MAPK4: variants seen among roughly 807,000 people sequenced by gnomAD.
MAPK4 encodes mitogen-activated protein kinase 4.
In MAPK4, 22 loss-of-function variants were observed where a neutral mutation model predicts 47.7. The ratio of observed to expected loss-of-function variants is 0.46; its 90% CI spans 0.33 to 0.66. The LOEUF is 0.66. Ranked by LOEUF, MAPK4 falls within the 30% of genes least tolerant of loss-of-function variation. MAPK4 has a pLI of 0.02. For synonymous variants in MAPK4, 390 were observed against 365.7 expected (o/e 1.07, Z -0.76); for missense variants, 736 against 831.7 (o/e 0.88, Z 1.42).
intron 2 of MAPK4, among the ~76,000 whole-genome samples, chr18:50,700,776 C>G (rs768565625): frequency 7.9e-5 from 12 of 152,156 alleles, no homozygotes; most frequent in Non-Finnish European, 1.2e-4. Flanking sequence ...TGCAGATTCT[C>G]TAGGCGGGAG....
chr18:50,662,805 C>T (rs542600878), intron 1 of MAPK4, among the ~76,000 whole-genome samples: 1 of 152,330 alleles, frequency 6.6e-6, no homozygotes, highest in South Asian at 2.1e-4. Flanking sequence ...GATAATTCTC[C>T]ACCGTAATTT....
At chr18:50,712,338 G>C (rs915719788) in intron 2 of MAPK4, among the ~76,000 whole-genome samples, 1 of 152,080 alleles carries the variant, frequency 6.6e-6, no homozygotes, top group Non-Finnish European at 1.5e-5. Context: ...GAGGTGGGAG[G>C]GTCCCGTGAG....
chr18:50,572,169 C>A (rs901751027), intron 1 of MAPK4, among the ~76,000 whole-genome samples: 3 of 151,460 alleles, frequency 2.0e-5, no homozygotes, highest in Non-Finnish European at 4.4e-5. Context: ...TTTAACGACC[C>A]AGCCATCTGC....
chr18:50,602,802 C>A (rs2149373284), intron 1 of MAPK4, among the ~76,000 whole-genome samples: 1 of 152,212 alleles, frequency 6.6e-6, no homozygotes, highest in South Asian at 2.1e-4. Flanking sequence ...AACCCCATTC[C>A]CTGGGTTCAG....
intron 1 of MAPK4, among the ~76,000 whole-genome samples, chr18:50,631,573 G>C (rs1198381140): frequency 2.0e-5 from 3 of 152,164 alleles, no homozygotes; most frequent in Non-Finnish European, 2.9e-5. Flanking sequence ...GAACTTTGTG[G>C]CTTTCTGCTC....
chr18:50,718,467 C>T (rs1346068370), intron 3 of MAPK4, among the ~76,000 whole-genome samples: 1 of 152,214 alleles, frequency 6.6e-6, no homozygotes, highest in Non-Finnish European at 1.5e-5. Context: ...ATCCACCTGC[C>T]TCAGCCTCCC....
chr18:50,686,062 T>A (rs1015407524), intron 2 of MAPK4, among the ~76,000 whole-genome samples: 2 of 152,172 alleles, frequency 1.3e-5, no homozygotes, highest in Non-Finnish European at 2.9e-5. Context: ...TGGTAGAGAC[T>A]GGATTTGCTT....
At chr18:50,709,374 G>A (rs1202734401) in intron 2 of MAPK4, among the ~76,000 whole-genome samples, 1 of 152,222 alleles carries the variant, frequency 6.6e-6, no homozygotes, top group Non-Finnish European at 1.5e-5. Context: ...GTGATGGGGT[G>A]GAGAGGGAGC....
chr18:50,662,631 A>G (rs536471905), intron 1 of MAPK4, among the ~76,000 whole-genome samples: 1 of 152,264 alleles, frequency 6.6e-6, no homozygotes, highest in Non-Finnish European at 1.5e-5. Flanking sequence ...GTTCAAAGAC[A>G]TTTGTAAAAG....
At chr18:50,692,131 A>C (rs1446814640) in intron 2 of MAPK4, among the ~76,000 whole-genome samples, 1 of 152,184 alleles carries the variant, frequency 6.6e-6, no homozygotes, top group Admixed American at 6.5e-5. Context: ...TCCAGGTAAA[A>C]GATTCTTCAG....
chr18:50,699,479 CA>C (rs1909670821), intron 2 of MAPK4, among the ~76,000 whole-genome samples: 1 of 152,170 alleles, frequency 6.6e-6, no homozygotes, highest in Non-Finnish European at 1.5e-5. Context: ...AAGACTTTAG[CA>C]ATATTGCTAA....
intron 2 of MAPK4, among the ~76,000 whole-genome samples, chr18:50,691,301 A>G (rs1909205279): frequency 6.6e-6 from 1 of 151,860 alleles, no homozygotes; most frequent in East Asian, 1.9e-4. Context: ...GCCAAAAAAT[A>G]CAAATCTAAA....
chr18:50,579,380 T>G (rs2042324189), intron 1 of MAPK4, among the ~76,000 whole-genome samples: 1 of 152,144 alleles, frequency 6.6e-6, no homozygotes, highest in Non-Finnish European at 1.5e-5. Context: ...TCCCCCTACA[T>G]GAATATTGTT....
At chr18:50,627,642 C>T (rs527251078) in intron 1 of MAPK4, among the ~76,000 whole-genome samples, 1 of 152,320 alleles carries the variant, frequency 6.6e-6, no homozygotes, top group South Asian at 2.1e-4. Flanking sequence ...TCACAGTAAC[C>T]TGGCAAGGAG....
Position 50,664,585 on chromosome 18 carries a change from C to A in MAPK4, c.546+81C>A. ...TGCAGCATTCCCAAGCTATTCCTAG[C>A]TCCATGGTAGTCAGAGGACTAGAGT... is the stretch of plus-strand genomic sequence containing the variant. On this transcript the variant is annotated intron_variant, in intron 2 of 5. Coordinates refer to ENST00000400384, the MANE Select transcript of MAPK4 (RefSeq NM_002747.4). The surrounding 1 kb of genome is among the most constrained non-coding windows in gnomAD (Gnocchi z 6.0). 1.4e-6 allele frequency: 2 copies of A among 1,444,768 alleles called. No homozygotes were observed. The highest frequency in any genetic ancestry group is 1.9e-6 in the Non-Finnish European group (2 of 1,064,436). 89.5% of individuals were successfully genotyped at this position (1,444,768 alleles called of 1,614,324 possible).
chr18:50,720,315 C>T lies in MAPK4; in HGVS notation c.692-1623C>T, dbSNP rs186597638. Among the ~76,000 whole-genome samples, 229 of 152,294 alleles carry T rather than the reference C, an allele frequency of 1.5e-3. 1 individual carries two copies. The highest frequency in any genetic ancestry group is 0.01 in the Middle Eastern group (3 of 294). ...AGAGTTATTAAACATCTGCTACAAG[C>T]AAGGTATTTCTCCCGGAGCCTTCAT... On this transcript the variant is annotated intron_variant, in intron 3 of 5. Transcript: ENST00000400384.
chr18:50,664,201 C>A lies in MAPK4; in HGVS notation c.243C>A (p.Tyr81Ter). The stretch of plus-strand genomic sequence containing the variant: ...ACCACGACAACATCGTCAAAGTGTA[C>A]GAGGTGCTCGGTCCCAAGGGCACTG... ...RLDHDNIVKV[Y>*]EVLGPKGTDL... is the part of the protein sequence containing the mutation. The change falls in exon 2 of 6, where the codon TAC becomes TAA. Residue 81 changes from tyrosine (Y) to a stop codon, truncating the protein, a stop_gained. Coordinates refer to ENST00000400384, the MANE Select transcript of MAPK4 (RefSeq NM_002747.4). LOFTEE classifies it high-confidence loss of function. This position sits in a 1 kb window ranked among gnomAD's most constrained non-coding sequence, Gnocchi z 6.0. 6.2e-7 allele frequency: 1 copy of A among 1,614,020 alleles called. No homozygotes were observed. Among genetic ancestry groups the A allele is most frequent in the Non-Finnish European group, 8.5e-7 (1 of 1,180,010 alleles).
chr18:50,574,007 C>G (rs1300219291), intron 1 of MAPK4, among the ~76,000 whole-genome samples: 2 of 152,158 alleles, frequency 1.3e-5, no homozygotes, highest in African/African-American at 4.8e-5. Flanking sequence ...CCTAGTATTC[C>G]AGGACTAGAA....
At chr18:50,587,119 C>A (rs2042395541) in intron 1 of MAPK4, among the ~76,000 whole-genome samples, 1 of 152,166 alleles carries the variant, frequency 6.6e-6, no homozygotes, top group Non-Finnish European at 1.5e-5. Context: ...GAGAATCAGG[C>A]AGAAGAGATT....
Sources: allele counts gnomAD v4.1 joint callset (sites outside exome capture counted in the v4.1 genomes callset), GRCh38; gene constraint gnomAD v4.1.1; non-coding constraint Gnocchi (gnomAD v3.1); transcripts MANE v1.5; gene names NCBI Gene and HGNC (gene_info 2026-07-23, HGNC 2026-07-21).